Variants in CDC42BPB observed in about 807,000 individuals in gnomAD.
CDC42BPB encodes the protein serine/threonine-protein kinase MRCK beta.
In CDC42BPB, 37 loss-of-function variants were observed where a neutral mutation model predicts 214.9. That is an observed-to-expected ratio of 0.17 (90% confidence interval 0.13 to 0.23). The LOEUF is 0.23. Ranked by LOEUF, CDC42BPB falls within the 10% of genes least tolerant of loss-of-function variation. The pLI is 1.00. For missense variants in CDC42BPB, 1,694 were observed against 2,227.0 expected (o/e 0.76, Z 4.82); for synonymous variants, 931 against 884.0 (o/e 1.05, Z -0.94).
intron 1 of CDC42BPB, among the ~76,000 whole-genome samples, chr14:103,038,258 C>A (rs549392238): frequency 6.8e-6 from 1 of 146,908 alleles, no homozygotes; most frequent in Non-Finnish European, 1.5e-5. Flanking sequence ...TAGCGTGAAC[C>A]TGGGAGGAGG....
At chr14:103,040,737 C>T (rs1007454841) in intron 1 of CDC42BPB, among the ~76,000 whole-genome samples, 28 of 152,226 alleles carry the variant, frequency 1.8e-4, no homozygotes, top group African/African-American at 6.0e-4. Flanking sequence ...GGATTACAGG[C>T]GTGAGCCACC....
chr14:102,993,248 C>T (rs1313479142), intron 5 of CDC42BPB, among the ~76,000 whole-genome samples: 1 of 151,690 alleles, frequency 6.6e-6, no homozygotes, highest in Admixed American at 6.6e-5. Context: ...CTTCTTCATA[C>T]GTTATATATA....
intron 1 of CDC42BPB, among the ~76,000 whole-genome samples, chr14:103,039,292 C>CAAAAAAAAAAAA (rs202028122): frequency 1.4e-5 from 1 of 70,636 alleles, no homozygotes; most frequent in African/African-American, 4.3e-5. Context: ...GATACCAAAC[C>CAAAAAAAAAAAA]AAAAAAAAAA....
At chr14:103,014,007 T>C (rs1211987214) in intron 1 of CDC42BPB, among the ~76,000 whole-genome samples, 1 of 151,818 alleles carries the variant, frequency 6.6e-6, no homozygotes, top group Non-Finnish European at 1.5e-5. Context: ...CTACTAAAAA[T>C]ACAAAAAATT....
At position 102,932,425 on chromosome 14, in the gene CDC42BPB, C is replaced by CA. The variant is rs1007331541; in HGVS notation, c.*1286dup. The CA allele has an allele frequency of 6.6e-5, 10 of 152,374 alleles. No homozygotes were observed. The highest frequency in any genetic ancestry group is 2.2e-4 in the African/African-American group (9 of 41,532). The allele number at this position is 152,374 out of a possible 1,614,324, so 9.4% of individuals were successfully genotyped here. A position where few individuals can be genotyped will look rare whatever the true frequency, so the allele number is the denominator to read the frequency against. The stretch of plus-strand genomic sequence containing the variant: ...CTGCTTTATTGACAGGTAAATTGTT[C>CA]AAAAATGTTCTCACAATTCAATAAT... On this transcript the variant is annotated 3_prime_UTR_variant, in exon 37 of 37. Transcript: ENST00000361246.
chr14:102,988,068 T>A (rs150538192), intron 5 of CDC42BPB, among the ~76,000 whole-genome samples: 1 of 151,164 alleles, frequency 6.6e-6, no homozygotes, highest in Non-Finnish European at 1.5e-5. Context: ...AGGGAAGAAA[T>A]AGAAGAAACA....
intron 1 of CDC42BPB, among the ~76,000 whole-genome samples, chr14:103,018,983 G>A (rs984690105): frequency 6.6e-6 from 1 of 152,044 alleles, no homozygotes; most frequent in African/African-American, 2.4e-5. Flanking sequence ...TTGCTCTGTC[G>A]ACCAGGCTGG....
intron 27 of CDC42BPB, 152 bp from the exon 28 acceptor site, chr14:102,946,836 C>A: frequency 6.9e-7 from 1 of 1,446,938 alleles, no homozygotes; most frequent in African/African-American, 1.4e-5. Flanking sequence ...TCGCTGGGCG[C>A]CTTGCAGAGG....
intron 2 of CDC42BPB, among the ~76,000 whole-genome samples, chr14:103,011,555 G>A (rs1326825957): frequency 2.0e-5 from 3 of 152,098 alleles, no homozygotes; most frequent in Admixed American, 6.5e-5. Flanking sequence ...GACCAGCCTG[G>A]CCAACATGGC....
chr14:103,054,928 G>C (rs1888860433), intron 1 of CDC42BPB, among the ~76,000 whole-genome samples: 1 of 152,260 alleles, frequency 6.6e-6, no homozygotes, highest in African/African-American at 2.4e-5. Flanking sequence ...CTGGTGGAGA[G>C]AGGTGGCTGC....
At chr14:102,954,075 C>A (rs1234133259) in intron 23 of CDC42BPB, 123 bp downstream of exon 23, 3 of 724,742 alleles carry the variant, frequency 4.1e-6, no homozygotes, top group Non-Finnish European at 4.8e-6. Context: ...AGGGTCGCTA[C>A]TGTGTGTATG....
intron 36 of CDC42BPB, among the ~76,000 whole-genome samples, chr14:102,935,982 G>A (rs930076061): frequency 1.1e-4 from 17 of 152,078 alleles, no homozygotes; most frequent in Admixed American, 4.6e-4. Context: ...GTACGGAAAT[G>A]GCCAACAAGC....
chr14:102,942,271 G>C (rs914701495), intron 30 of CDC42BPB, among the ~76,000 whole-genome samples: 2 of 152,196 alleles, frequency 1.3e-5, no homozygotes, highest in Non-Finnish European at 2.9e-5. Context: ...ATGGAGCCGG[G>C]ACACACTGCA....
At chr14:102,955,757 C>T (rs1420455140) in intron 21 of CDC42BPB, among the ~76,000 whole-genome samples, 1 of 152,200 alleles carries the variant, frequency 6.6e-6, no homozygotes. Context: ...GTGTTAGCAC[C>T]AGCAAGCAGT....
chr14:102,946,888 C>T, intron 27 of CDC42BPB: 1 of 985,242 alleles, frequency 1.0e-6, no homozygotes. Context: ...TCTAAACAGC[C>T]CCGTGAGATC....
intron 1 of CDC42BPB, among the ~76,000 whole-genome samples, chr14:103,016,870 G>A (rs1886494956): frequency 6.6e-6 from 1 of 152,092 alleles, no homozygotes; most frequent in Non-Finnish European, 1.5e-5. Context: ...ACCCAGTGTG[G>A]ACCATGGTCT....
chr14:102,972,938 G>A (rs968232286), intron 12 of CDC42BPB, among the ~76,000 whole-genome samples: 7 of 152,266 alleles, frequency 4.6e-5, no homozygotes, highest in Non-Finnish European at 8.8e-5. Context: ...GTGAAGAACT[G>A]TATAAAAACA....
intron 1 of CDC42BPB, among the ~76,000 whole-genome samples, chr14:103,034,970 G>A (rs909479541): frequency 6.6e-6 from 1 of 151,852 alleles, no homozygotes; most frequent in African/African-American, 2.4e-5. Context: ...AATGCTATTG[G>A]AGAAAAACTA....
chr14:102,961,500 A>G (rs1412226261), intron 20 of CDC42BPB, among the ~76,000 whole-genome samples: 1 of 151,378 alleles, frequency 6.6e-6, no homozygotes, highest in Non-Finnish European at 1.5e-5. Flanking sequence ...ACGCCCAGCT[A>G]ATTTTTGTAT....
Sources: gnomAD v4.1 joint callset for allele counts (sites outside exome capture counted in the v4.1 genomes callset) on GRCh38, gnomAD v4.1.1 for gene constraint, MANE v1.5 for transcripts, NCBI Gene and HGNC (gene_info 2026-07-23, HGNC 2026-07-21) for gene names.